The following KCNIP4 variants were observed in gnomAD, a reference collection of about 807,000 sequenced individuals.
The protein encoded by KCNIP4 is Kv channel-interacting protein 4.
A neutral mutation model predicts 34.0 loss-of-function variants in KCNIP4; 12 were observed. The ratio of observed to expected loss-of-function variants is 0.35; its 90% CI spans 0.23 to 0.57. The LOEUF (loss-of-function observed/expected upper bound fraction) is 0.57. Among genes scored for constraint, KCNIP4 ranks in the 20% least tolerant of loss-of-function variants. KCNIP4 has a pLI of 0.83. For synonymous variants in KCNIP4, 124 were observed against 102.2 expected (o/e 1.21, Z -1.29); for missense variants, 238 against 311.7 (o/e 0.76, Z 1.78).
chr4:20,928,654 T>TA (rs956861502), intron 1 of KCNIP4, among the ~76,000 whole-genome samples: 2 of 151,742 alleles, frequency 1.3e-5, no homozygotes, highest in African/African-American at 4.8e-5. Context: ...AAAAACCATT[T>TA]AAAAATAGTA....
chr4:21,119,242 GT>G (rs1372276845), intron 1 of KCNIP4, among the ~76,000 whole-genome samples: 1 of 151,994 alleles, frequency 6.6e-6, no homozygotes, highest in East Asian at 1.9e-4. Flanking sequence ...ATTTTGAGAA[GT>G]GGAACTTTAG....
chr4:21,870,979 G>A (rs979249554), intron 1 of KCNIP4, among the ~76,000 whole-genome samples: 2 of 151,780 alleles, frequency 1.3e-5, no homozygotes, highest in African/African-American at 4.8e-5. Context: ...CCAAATACTA[G>A]TAAAGGAAAA....
At chr4:21,456,873 C>A (rs1577390175) in intron 1 of KCNIP4, among the ~76,000 whole-genome samples, 1 of 152,160 alleles carries the variant, frequency 6.6e-6, no homozygotes, top group East Asian at 1.9e-4. Flanking sequence ...TCCCAAAGAT[C>A]TCAAGATGTG....
Position 21,113,473 on chromosome 4 carries a change from A to G in KCNIP4, c.62-230764T>C, listed in dbSNP as rs1560734517. 3.9e-3 allele frequency among the ~76,000 whole-genome samples: 582 copies of G among 150,552 alleles called. 8 individuals carry two copies. Among genetic ancestry groups the G allele is most frequent in the African/African-American group, 0.013 (539 of 41,130 alleles). The stretch of plus-strand genomic sequence containing the variant: ...ATAAGTTTAAAAAAAAAAAAAAAAA[A>G]AAAAAAAGGAAAGCTATACTCAGTG... On this transcript the variant is annotated intron_variant, in intron 1 of 8. Coordinates refer to ENST00000382152, the MANE Select transcript of KCNIP4 (RefSeq NM_025221.6).
At chr4:21,697,246 A>G in intron 1 of KCNIP4, 3 of 1,313,898 alleles carry the variant, frequency 2.3e-6, no homozygotes, top group Non-Finnish European at 2.9e-6. Flanking sequence ...AACATTAAAA[A>G]TAATCACAAC....
chr4:20,865,680 G>A (rs1722808777), intron 2 of KCNIP4, among the ~76,000 whole-genome samples: 1 of 152,014 alleles, frequency 6.6e-6, no homozygotes, highest in South Asian at 2.1e-4. Flanking sequence ...CAGAGATAGA[G>A]AATAAAACAA....
intron 1 of KCNIP4, among the ~76,000 whole-genome samples, chr4:21,187,166 T>C (rs935910387): frequency 4.6e-5 from 7 of 152,178 alleles, no homozygotes; most frequent in South Asian, 2.1e-4. Flanking sequence ...TCAATAAAAG[T>C]CAAAGTTACC....
intron 1 of KCNIP4, among the ~76,000 whole-genome samples, chr4:20,993,218 A>G (rs1446568386): frequency 2.0e-5 from 3 of 152,018 alleles, no homozygotes; most frequent in South Asian, 2.1e-4. Flanking sequence ...TTCCACTGCA[A>G]CAGGGTATGA....
chr4:21,399,709 T>C (rs956760262), intron 1 of KCNIP4, among the ~76,000 whole-genome samples: 1 of 151,172 alleles, frequency 6.6e-6, no homozygotes, highest in South Asian at 2.1e-4. Flanking sequence ...CAGGCTGGAG[T>C]GCAGTGGCAC....
chr4:21,797,125 G>A (rs1235060498), intron 1 of KCNIP4, among the ~76,000 whole-genome samples: 1 of 152,088 alleles, frequency 6.6e-6, no homozygotes, highest in East Asian at 1.9e-4. Context: ...TCCCATCTAT[G>A]CCTGTCTGCC....
chr4:20,745,813 TCC>T (rs1236146495), intron 5 of KCNIP4, among the ~76,000 whole-genome samples: 2 of 152,142 alleles, frequency 1.3e-5, no homozygotes, highest in Non-Finnish European at 2.9e-5. Context: ...CTCCCCTGAC[TCC>T]CTGCCAATCA....
chr4:21,370,998 G>C (rs1172070173), intron 1 of KCNIP4, among the ~76,000 whole-genome samples: 2 of 138,926 alleles, frequency 1.4e-5, no homozygotes, highest in Non-Finnish European at 3.0e-5. Flanking sequence ...TAGGGATCTA[G>C]CTCACAAATA....
intron 3 of KCNIP4, among the ~76,000 whole-genome samples, chr4:20,804,267 T>C (rs1578659469): frequency 6.6e-6 from 1 of 152,222 alleles, no homozygotes; most frequent in African/African-American, 2.4e-5. Context: ...CTCATGGTCA[T>C]GTAAATAAAT....
In KCNIP4 at chr4:20,842,119, CA is replaced by C. The variant is rs1370341295; in HGVS notation, c.288+8423del. On this transcript the variant is annotated intron_variant, in intron 3 of 8. Transcript: ENST00000382152. ...TTCACTATCTTCCCCCAATGGAATACAAACTCTAAAGAAAAATTACCTGTCT... is the reference window on the plus strand; with the variant it reads ...TTCACTATCTTCCCCCAATGGAATACAACTCTAAAGAAAAATTACCTGTCT... 2.6e-5 allele frequency among the ~76,000 whole-genome samples: 4 copies of C among 152,150 alleles called. No individual in the cohort carries two copies. In the East Asian group the frequency reaches 7.7e-4, roughly 29 times the overall value.
intron 7 of KCNIP4, among the ~76,000 whole-genome samples, chr4:20,732,472 A>G (rs1170948108): frequency 6.6e-6 from 1 of 152,226 alleles, no homozygotes; most frequent in Non-Finnish European, 1.5e-5. Context: ...TTAGTGTTGT[A>G]TCTTGGATTT....
At chr4:21,109,793 A>G (rs73245238) in intron 1 of KCNIP4, among the ~76,000 whole-genome samples, 44,228 of 152,024 alleles carry the variant, frequency 0.29, 7,085 homozygotes, top group African/African-American at 0.44. Context: ...TTCCTACCAT[A>G]TTCTTTGTGT....
chr4:21,447,051 C>T (rs749179580), intron 1 of KCNIP4, among the ~76,000 whole-genome samples: 3 of 152,018 alleles, frequency 2.0e-5, no homozygotes, highest in Non-Finnish European at 4.4e-5. Context: ...GAATTTCTAG[C>T]CTGTCGGCCT....
In KCNIP4 at chr4:20,748,560, TTATATATATATATA is replaced by T. The variant is rs3075750; in HGVS notation, c.429+1088_429+1101del. ...CAAAAATAAATGCACCTTCCAAATT[TTATATATATATATA>T]TATATATATATATATATATATATAT... On this transcript the variant is annotated intron_variant, in intron 5 of 8. Transcript: ENST00000382152. 4.5e-3 allele frequency among the ~76,000 whole-genome samples: 291 copies of T among 64,894 alleles called. 1 individual carries two copies. Among genetic ancestry groups the T allele is most frequent in the Middle Eastern group, 0.018 (2 of 114 alleles). The allele number at this position is 64,894 out of a possible 152,430, so 42.6% of individuals were successfully genotyped here.
intron 3 of KCNIP4, among the ~76,000 whole-genome samples, chr4:20,780,078 A>T (rs552843872): frequency 7.9e-5 from 12 of 152,330 alleles, no homozygotes; most frequent in African/African-American, 2.6e-4. Context: ...GTTCAAGGGT[A>T]TTTCAGGAAA....
Sources: allele counts gnomAD v4.1 joint callset (sites outside exome capture counted in the v4.1 genomes callset), GRCh38; gene constraint gnomAD v4.1.1; transcripts MANE v1.5; gene names NCBI Gene and HGNC (gene_info 2026-07-23, HGNC 2026-07-21).